Variants in IFNG-AS1 observed in about 807,000 individuals in gnomAD.
The protein encoded by IFNG-AS1 is IFNG regulatory antisense RNA 1.
At chr12:67,993,976 G>T (rs918364386) in intron 1 of IFNG-AS1, among the ~76,000 whole-genome samples, 5 of 152,110 alleles carry the variant, frequency 3.3e-5, no homozygotes, top group Non-Finnish European at 5.9e-5. Flanking sequence ...AAGGGCAGAG[G>T]GTCTCAGTAA....
At chr12:68,017,974 G>T (rs1880194043) in intron 3 of IFNG-AS1, among the ~76,000 whole-genome samples, 3 of 152,086 alleles carry the variant, frequency 2.0e-5, no homozygotes, top group Admixed American at 2.0e-4. Context: ...AATAAGCCAG[G>T]TGTTTTCACA....
chr12:67,990,479 T>C (rs550349562), intron 1 of IFNG-AS1, among the ~76,000 whole-genome samples: 1 of 152,356 alleles, frequency 6.6e-6, no homozygotes, highest in East Asian at 1.9e-4. Flanking sequence ...GCGATTAGCT[T>C]TGTTTTGCTT....
chr12:67,991,634 GA>G (rs1879514975), intron 1 of IFNG-AS1, among the ~76,000 whole-genome samples: 1 of 152,244 alleles, frequency 6.6e-6, no homozygotes, highest in Non-Finnish European at 1.5e-5. Context: ...AAGCCCGCAA[GA>G]TGGGCCATGT....
chr12:68,015,504 T>G (rs1880131104), intron 3 of IFNG-AS1, among the ~76,000 whole-genome samples: 1 of 152,298 alleles, frequency 6.6e-6, no homozygotes, highest in East Asian at 1.9e-4. Flanking sequence ...TGTGCTACTT[T>G]GAAGCCTCTA....
chr12:68,005,363 T>C (rs1411846514), intron 2 of IFNG-AS1, among the ~76,000 whole-genome samples: 3 of 152,164 alleles, frequency 2.0e-5, no homozygotes, highest in Non-Finnish European at 2.9e-5. Context: ...CGATACAGCA[T>C]GTAGAAATGC....
chr12:68,006,257 C>T (rs760122421), intron 3 of IFNG-AS1: 2 of 152,114 alleles, frequency 1.3e-5, no homozygotes, highest in African/African-American at 2.4e-5. Context: ...TCTCAGGAAA[C>T]TAATCAGCAG....
intron 2 of IFNG-AS1, among the ~76,000 whole-genome samples, chr12:67,999,829 T>C (rs1183255853): frequency 6.6e-6 from 1 of 152,144 alleles, no homozygotes; most frequent in Non-Finnish European, 1.5e-5. Context: ...AATACAAAAG[T>C]AAAAACAGTT....
intron 3 of IFNG-AS1, among the ~76,000 whole-genome samples, chr12:68,007,858 A>T (rs896820775): frequency 6.6e-6 from 1 of 152,298 alleles, no homozygotes; most frequent in African/African-American, 2.4e-5. Flanking sequence ...GAAATAGATG[A>T]CTTGGTGCCC....
intron 2 of IFNG-AS1, among the ~76,000 whole-genome samples, chr12:68,003,905 CA>C (rs60693550): frequency 0.36 from 35,016 of 97,650 alleles, 4,105 homozygotes; most frequent in East Asian, 0.55. Context: ...ACTCCGTCTC[CA>C]AAAAAAAAAA....
chr12:68,005,854 A>G (rs1269925951), intron 2 of IFNG-AS1, among the ~76,000 whole-genome samples: 1 of 152,248 alleles, frequency 6.6e-6, no homozygotes, highest in East Asian at 1.9e-4. Flanking sequence ...TATTTAAAGT[A>G]ATTCATTTAT....
chr12:67,992,149 C>T (rs892994815), intron 1 of IFNG-AS1, among the ~76,000 whole-genome samples: 45 of 152,150 alleles, frequency 3.0e-4, no homozygotes, highest in Non-Finnish European at 7.3e-5. Context: ...GCTCCATAGA[C>T]ACCTACAAAT....
At chr12:68,006,180 T>A (rs924433360) in intron 3 of IFNG-AS1, 1 of 152,176 alleles carries the variant, frequency 6.6e-6, no homozygotes, top group Non-Finnish European at 1.5e-5. Flanking sequence ...TGTCACACAC[T>A]AAGGAATTTG....
intron 1 of IFNG-AS1, among the ~76,000 whole-genome samples, chr12:67,992,717 C>T (rs1243499826): frequency 6.6e-6 from 1 of 152,120 alleles, no homozygotes; most frequent in African/African-American, 2.4e-5. Context: ...TAATCTAATT[C>T]CTTTCAGTTT....
intron 3 of IFNG-AS1, among the ~76,000 whole-genome samples, chr12:68,012,413 CTG>C (rs1880053388): frequency 6.6e-6 from 1 of 152,126 alleles, no homozygotes; most frequent in Non-Finnish European, 1.5e-5. Context: ...GGTCATGCAG[CTG>C]TGTTAGCCTC....
chr12:68,019,248 A>G (rs1370317679), intron 3 of IFNG-AS1, among the ~76,000 whole-genome samples: 1 of 152,142 alleles, frequency 6.6e-6, no homozygotes, highest in Non-Finnish European at 1.5e-5. Flanking sequence ...AATGATGACA[A>G]TGATGATAAT....
chr12:67,993,579 A>G (rs941093010), intron 1 of IFNG-AS1, among the ~76,000 whole-genome samples: 1 of 152,242 alleles, frequency 6.6e-6, no homozygotes, highest in African/African-American at 2.4e-5. Flanking sequence ...AACAATGAAT[A>G]TCTTCCAGTG....
chr12:68,007,410 T>C lies in IFNG-AS1; in HGVS notation n.241+1264T>C, dbSNP rs114066201. Among the ~76,000 whole-genome samples, 1,240 of 152,354 alleles carry C rather than the reference T, an allele frequency of 8.1e-3. 16 individuals carry two copies. The highest frequency in any genetic ancestry group is 0.028 in the African/African-American group (1,165 of 41,580). On this transcript the variant is annotated intron_variant and non_coding_transcript_variant, in intron 3 of 5. Coordinates refer to ENST00000536914, the Ensembl canonical transcript of IFNG-AS1. ...TTGACAATTAAGAATGTCATCCTAA[T>C]ATAAACACTCAAGGCATTTGAAGAG...
At chr12:67,993,206 G>A (rs1263983854) in intron 1 of IFNG-AS1, among the ~76,000 whole-genome samples, 1 of 152,158 alleles carries the variant, frequency 6.6e-6, no homozygotes, top group African/African-American at 2.4e-5. Context: ...TTGGGCAGAT[G>A]AAAGTTCCTC....
At chr12:68,002,892 G>A (rs936434892) in intron 2 of IFNG-AS1, among the ~76,000 whole-genome samples, 24 of 152,296 alleles carry the variant, frequency 1.6e-4, no homozygotes, top group African/African-American at 3.8e-4. Context: ...CATGTGCTGC[G>A]TTCAAGTCTC....
Sources: gnomAD v4.1 joint callset for allele counts (sites outside exome capture counted in the v4.1 genomes callset) on GRCh38, gnomAD v4.1.1 for gene constraint, MANE v1.5 for transcripts, NCBI Gene and HGNC (gene_info 2026-07-23, HGNC 2026-07-21) for gene names.